Variants in NXPE2 observed in about 807,000 individuals in gnomAD.
NXPE2 encodes neurexophilin and PC-esterase domain family member 2.
Under a neutral mutation model 34.4 loss-of-function variants are expected in NXPE2, and 34 were observed. The observed-to-expected ratio is 0.99, with a 90% confidence interval of 0.75 to 1.31. The LOEUF (loss-of-function observed/expected upper bound fraction) is 1.31, where lower values mean the gene tolerates loss of function less well. NXPE2 is among the 40% of genes most tolerant of loss of function. The probability of loss-of-function intolerance (pLI) is 0.00; values close to 1 mark genes in which losing one functional copy is unlikely to be tolerated. For missense variants in NXPE2, 649 were observed against 672.5 expected, an observed-to-expected ratio of 0.97 and a Z score of 0.39; for synonymous variants, 235 against 231.3, an observed-to-expected ratio of 1.02 and a Z score of -0.15.
chr11:114,737,853 C>T, the NXPE2 span, among the ~76,000 whole-genome samples: 9 of 152,190 alleles, frequency 5.9e-5, no homozygotes, highest in South Asian at 4.1e-4. Context: ...GAGGCCAAGG[C>T]GGGCAGATCA....
chr11:114,706,262 A>C, intron 5 of NXPE2, 133 bp from the exon 6 acceptor site: 1 of 695,918 alleles, frequency 1.4e-6, no homozygotes, highest in Non-Finnish European at 2.2e-6. Context: ...CACCTGGTAA[A>C]ATTATCCACC....
chr11:114,739,249 AT>A, the NXPE2 span, among the ~76,000 whole-genome samples: 1 of 151,904 alleles, frequency 6.6e-6, no homozygotes. Flanking sequence ...ATTATAATTT[AT>A]TAATTATTTT....
the NXPE2 span, among the ~76,000 whole-genome samples, chr11:114,524,029 G>T: frequency 1.3e-5 from 2 of 152,204 alleles, no homozygotes; most frequent in South Asian, 2.1e-4. Flanking sequence ...AGGGACTCTT[G>T]TTCCTTCTAT....
chr11:114,582,041 T>C, the NXPE2 span, among the ~76,000 whole-genome samples: 176 of 152,334 alleles, frequency 1.2e-3, 3 homozygotes, highest in East Asian at 0.033. Context: ...CACATGTGCA[T>C]TTCTCATTTT....
the NXPE2 span, among the ~76,000 whole-genome samples, chr11:114,476,907 C>T: frequency 1.3e-5 from 2 of 152,044 alleles, no homozygotes; most frequent in Non-Finnish European, 2.9e-5. Context: ...TTGCTTATAA[C>T]CAAAAGAAGC....
chr11:114,589,835 C>G, the NXPE2 span, among the ~76,000 whole-genome samples: 6 of 152,048 alleles, frequency 3.9e-5, no homozygotes, highest in Non-Finnish European at 5.9e-5. Flanking sequence ...CCCTACAACA[C>G]CCCAATATTA....
At chr11:114,644,155 GC>G in the NXPE2 span, among the ~76,000 whole-genome samples, 3 of 152,238 alleles carry the variant, frequency 2.0e-5, no homozygotes, top group African/African-American at 7.2e-5. Flanking sequence ...GAGATTTTGG[GC>G]TGAGATGATG....
chr11:114,629,243 TTGA>T, the NXPE2 span, among the ~76,000 whole-genome samples: 1 of 151,962 alleles, frequency 6.6e-6, no homozygotes, highest in Admixed American at 6.6e-5. Context: ...ACCAATATCC[TTGA>T]TGAACATTGA....
At chr11:114,760,907 G>T in the NXPE2 span, among the ~76,000 whole-genome samples, 1 of 152,102 alleles carries the variant, frequency 6.6e-6, no homozygotes, top group East Asian at 1.9e-4. Flanking sequence ...CTCCAAGATG[G>T]CCTGAGAACT....
the NXPE2 span, among the ~76,000 whole-genome samples, chr11:114,662,121 A>G: frequency 6.6e-6 from 1 of 152,154 alleles, no homozygotes; most frequent in Non-Finnish European, 1.5e-5. Flanking sequence ...CATATCACTG[A>G]AAGAGGCACT....
chr11:114,646,207 T>C, the NXPE2 span, among the ~76,000 whole-genome samples: 7 of 152,024 alleles, frequency 4.6e-5, no homozygotes, highest in African/African-American at 1.7e-4. Flanking sequence ...CTCTGTTAAG[T>C]GTAATCACTG....
the NXPE2 span, among the ~76,000 whole-genome samples, chr11:114,758,754 ATATT>A: frequency 6.7e-6 from 1 of 150,080 alleles, no homozygotes. Context: ...AGTAAAATAT[ATATT>A]TATGTAATAT....
the NXPE2 span, among the ~76,000 whole-genome samples, chr11:114,624,571 G>A: frequency 3.3e-5 from 5 of 151,774 alleles, no homozygotes; most frequent in Admixed American, 6.6e-5. Flanking sequence ...ATTGCCCCGT[G>A]GGTAACCACT....
At chr11:114,700,370 T>A (rs1168092781) in intron 3 of NXPE2, among the ~76,000 whole-genome samples, 1 of 152,206 alleles carries the variant, frequency 6.6e-6, no homozygotes, top group Non-Finnish European at 1.5e-5. Flanking sequence ...GTAAGGCTTG[T>A]CTTGAGCAGC....
chr11:114,746,530 T>A, the NXPE2 span, among the ~76,000 whole-genome samples: 2 of 152,062 alleles, frequency 1.3e-5, no homozygotes, highest in Non-Finnish European at 2.9e-5. Flanking sequence ...AGCTAAGAAT[T>A]CAAGCATTTA....
the NXPE2 span, among the ~76,000 whole-genome samples, chr11:114,623,671 GATA>G: frequency 6.6e-6 from 1 of 152,148 alleles, no homozygotes; most frequent in Non-Finnish European, 1.5e-5. Flanking sequence ...TTACCATGTG[GATA>G]ATAAGCATTG....
chr11:114,630,831 A>T, the NXPE2 span, among the ~76,000 whole-genome samples: 1 of 151,922 alleles, frequency 6.6e-6, no homozygotes, highest in Non-Finnish European at 1.5e-5. Flanking sequence ...TTACAAGAAA[A>T]AAACAAACAA....
chr11:114,620,469 G>T, the NXPE2 span, among the ~76,000 whole-genome samples: 1 of 152,106 alleles, frequency 6.6e-6, no homozygotes, highest in Non-Finnish European at 1.5e-5. Context: ...TGCCTCTAGG[G>T]TAACCACTGT....
chr11:114,535,552 G>C, the NXPE2 span, among the ~76,000 whole-genome samples: 1 of 152,202 alleles, frequency 6.6e-6, no homozygotes, highest in East Asian at 1.9e-4. Flanking sequence ...CACATGCAGA[G>C]ACATACATAG....
Sources: allele counts gnomAD v4.1 joint callset (sites outside exome capture counted in the v4.1 genomes callset), GRCh38; gene constraint gnomAD v4.1.1; transcripts MANE v1.5; gene names NCBI Gene and HGNC (gene_info 2026-07-23, HGNC 2026-07-21).